Variants in CBX5 observed in about 807,000 individuals in gnomAD.
CBX5 encodes the protein chromobox 5.
Under a neutral mutation model 20.7 loss-of-function variants are expected in CBX5, and 7 were observed. The observed-to-expected ratio is 0.34, with a 90% CI of 0.19 to 0.63. The LOEUF (loss-of-function observed/expected upper bound fraction) is 0.63, where lower values mean the gene tolerates loss of function less well. Among genes scored for constraint, CBX5 ranks in the 30% least tolerant of loss-of-function variants. The pLI, the probability that CBX5 is intolerant of heterozygous loss-of-function variation, is 0.75. For missense variants in CBX5, 110 were observed against 224.1 expected (o/e 0.49, Z 3.25); for synonymous variants, 78 against 77.0 (o/e 1.01, Z -0.07).
In CBX5 at chr12:54,233,762, C is replaced by A. The variant is rs1016594236; in HGVS notation, c.*7993G>T. The A allele has an allele frequency of 6.6e-6, 1 of 152,006 alleles. No individual in the cohort carries two copies. The highest frequency in any genetic ancestry group is 2.4e-5 in the African/African-American group (1 of 41,358). The allele number at this position is 152,006 out of a possible 1,614,324, so 9.4% of individuals were successfully genotyped here. A position where few individuals can be genotyped will look rare whatever the true frequency, so the allele number is the denominator to read the frequency against. On this transcript the variant is annotated 3_prime_UTR_variant, in exon 5 of 5. Coordinates refer to ENST00000209875, the MANE Select transcript of CBX5 (RefSeq NM_012117.3). ...CCTGGGCAACACAGGGAGACTGTCT[C>A]TACAAAACATTTTTTAAATAATAAA...
chr12:54,246,063 C>T, intron 4 of CBX5, 52 bp downstream of exon 4: 1 of 1,231,282 alleles, frequency 8.1e-7, no homozygotes, highest in Non-Finnish European at 1.2e-6. Context: ...CACACAAATT[C>T]AAGTCACTGG....
intron 1 of CBX5, among the ~76,000 whole-genome samples, chr12:54,260,113 T>C: frequency 7.6e-6 from 1 of 131,570 alleles, no homozygotes; most frequent in East Asian, 2.2e-4. Context: ...TTGGGGGGAT[T>C]ACTAGAGACA....
chr12:54,242,022 C>T, intron 4 of CBX5, 117 bp from the exon 5 acceptor site: 1 of 971,916 alleles, frequency 1.0e-6, no homozygotes. Context: ...ACCTTGGTTT[C>T]AAGGTGAAAA....
rs1331231735 is a variant in CBX5 at position 54,257,654 on chromosome 12, G to A, written c.-4C>T. 3.1e-6 allele frequency: 5 copies of A among 1,613,890 alleles called. No homozygotes were observed. Among genetic ancestry groups the A allele is most frequent in the African/African-American group, 2.7e-5 (2 of 74,876 alleles). On this transcript the variant is annotated 5_prime_UTR_variant, in exon 2 of 5. Coordinates refer to ENST00000209875, the MANE Select transcript of CBX5 (RefSeq NM_012117.3). ...TCCGCTTGGTTTTCTTTCCCATGTC[G>A]CACACCGTTCCACCTGAAAGACTAA... is the stretch of plus-strand genomic sequence containing the variant.
rs1358757971 is a variant in CBX5, at chr12:54,239,986, A to G, written c.*1769T>C. The G allele has an allele frequency of 6.6e-6, 1 of 152,226 alleles. No individual in the cohort carries two copies. The highest frequency in any genetic ancestry group is 1.5e-5 in the Non-Finnish European group (1 of 68,038). The allele number at this position is 152,226 out of a possible 1,614,324, so 9.4% of individuals were successfully genotyped here. Reference sequence around the variant, plus strand: ...TTCCCCTCATTACTCTGAATAATCTAGAAATGGTAGATGCTCCTGGCCAGA... The same window carrying G: ...TTCCCCTCATTACTCTGAATAATCTGGAAATGGTAGATGCTCCTGGCCAGA... On this transcript the variant is annotated 3_prime_UTR_variant, in exon 5 of 5. Coordinates refer to ENST00000209875, the MANE Select transcript of CBX5 (RefSeq NM_012117.3).
At chr12:54,252,844 G>C (rs1943820618) in intron 2 of CBX5, among the ~76,000 whole-genome samples, 1 of 151,994 alleles carries the variant, frequency 6.6e-6, no homozygotes, top group Non-Finnish European at 1.5e-5. Flanking sequence ...AATTAGCTTG[G>C]TGTGGTGGTA....
In CBX5 at chr12:54,257,531, C is replaced by T. The variant is rs746779128; in HGVS notation, c.120G>A (p.Lys40=). 7.4e-6 allele frequency: 12 copies of T among 1,614,086 alleles called. No homozygotes were observed. The highest frequency in any genetic ancestry group is 1.1e-5 in the South Asian group (1 of 91,086). Residue 40 remains lysine (K), a synonymous_variant, in exon 2 of 5, where the codon AAG becomes AAA. Transcript: ENST00000209875. Reference sequence around the variant, plus strand: ...GAACTTACTCAGAAAAGCCTTTCCACTTCAGTAGATATTCCACTTGTCCCT... The same window carrying T: ...GAACTTACTCAGAAAAGCCTTTCCATTTCAGTAGATATTCCACTTGTCCCT... ...VVKGQVEYLL[K]WKGFSEEHNT... is the part of the protein sequence containing the mutation.
intron 1 of CBX5, chr12:54,274,391 T>C (rs1592165437): frequency 1.3e-5 from 2 of 152,176 alleles, no homozygotes; most frequent in South Asian, 4.1e-4. Flanking sequence ...AAAAAGATGA[T>C]TGCCCAGAGT....
chr12:54,269,248 G>A (rs1193470925), intron 1 of CBX5, among the ~76,000 whole-genome samples: 2 of 152,122 alleles, frequency 1.3e-5, no homozygotes, highest in Non-Finnish European at 2.9e-5. Flanking sequence ...GGGTGACAGA[G>A]CGAGGATCCT....
At chr12:54,265,233 G>A (rs1201626537) in intron 1 of CBX5, among the ~76,000 whole-genome samples, 1 of 152,166 alleles carries the variant, frequency 6.6e-6, no homozygotes, top group African/African-American at 2.4e-5. Context: ...CCTTATTGCA[G>A]CAAATAAAAC....
intron 3 of CBX5, among the ~76,000 whole-genome samples, chr12:54,251,233 G>A (rs374129313): frequency 6.6e-6 from 1 of 152,018 alleles, no homozygotes. Context: ...GGCCAAGGCA[G>A]GCGGATCACG....
intron 1 of CBX5, among the ~76,000 whole-genome samples, chr12:54,277,457 G>A (rs1442361247): frequency 6.6e-6 from 1 of 152,024 alleles, no homozygotes; most frequent in African/African-American, 2.4e-5. Context: ...CACCCGCCTC[G>A]GCCTCCCAAA....
Position 54,233,740 on chromosome 12 carries a change from G to A in CBX5, c.*8015C>T, listed in dbSNP as rs1305285335. The A allele has an allele frequency of 6.6e-6, 1 of 152,060 alleles. No homozygotes were observed. Among genetic ancestry groups the A allele is most frequent in the African/African-American group, 2.4e-5 (1 of 41,390 alleles). 9.4% of individuals were successfully genotyped at this position (152,060 alleles called of 1,614,324 possible). A position where few individuals can be genotyped will look rare whatever the true frequency, so the allele number is the denominator to read the frequency against. ...GAGCTCACGAGTTGGAGACCAGCCTGGGCAACACAGGGAGACTGTCTCTAC... is the reference window on the plus strand; with the variant it reads ...GAGCTCACGAGTTGGAGACCAGCCTAGGCAACACAGGGAGACTGTCTCTAC... On this transcript the variant is annotated 3_prime_UTR_variant, in exon 5 of 5. Transcript: ENST00000209875.
chr12:54,260,141 G>A (rs949717007), intron 1 of CBX5, among the ~76,000 whole-genome samples: 70 of 123,844 alleles, frequency 5.7e-4, no homozygotes, highest in Non-Finnish European at 9.1e-4. Flanking sequence ...AAGACATGAA[G>A]CACTACCAAA....
In CBX5 at chr12:54,264,262, C is replaced by T. The variant is rs143196418; in HGVS notation, c.-42-6570G>A. On this transcript the variant is annotated intron_variant, in intron 1 of 4. Coordinates refer to ENST00000209875, the MANE Select transcript of CBX5 (RefSeq NM_012117.3). Reference sequence around the variant, plus strand: ...TCTCAAACTCCTGGGCTCAAGCAATCCTCTCACCTTGGCCTTCTGAGCAGC... The same window carrying T: ...TCTCAAACTCCTGGGCTCAAGCAATTCTCTCACCTTGGCCTTCTGAGCAGC... Among the ~76,000 whole-genome samples, 300 of 152,200 alleles carry T rather than the reference C, an allele frequency of 2.0e-3. 1 individual carries two copies. The highest frequency in any genetic ancestry group is 6.9e-3 in the African/African-American group (285 of 41,516).
chr12:54,254,255 G>A (rs572878113), intron 2 of CBX5, among the ~76,000 whole-genome samples: 164 of 150,048 alleles, frequency 1.1e-3, no homozygotes, highest in Non-Finnish European at 1.8e-3. Flanking sequence ...ACTTGAACCC[G>A]GGAGGCAGGA....
intron 1 of CBX5, among the ~76,000 whole-genome samples, chr12:54,278,061 C>G (rs1051925850): frequency 6.6e-6 from 1 of 152,136 alleles, no homozygotes; most frequent in African/African-American, 2.4e-5. Flanking sequence ...GAGATTTTAT[C>G]CCCCATCCCT....
rs1944001221 is a variant in CBX5 at position 54,270,769 on chromosome 12, T to C, written c.-43+9239A>G. 2.0e-5 allele frequency among the ~76,000 whole-genome samples: 3 copies of C among 152,186 alleles called. No individual in the cohort carries two copies. The South Asian group carries it at 6.2e-4, about 31-fold the overall frequency. On this transcript the variant is annotated intron_variant, in intron 1 of 4. Transcript: ENST00000209875. ...CTATGATCAGGAAATAAACATACCT[T>C]GGCCAAGCACAGTGGCTCATGCCTG...
At chr12:54,252,979 CAAAAAAAAAAA>C (rs757909869) in intron 2 of CBX5, among the ~76,000 whole-genome samples, 1 of 47,264 alleles carries the variant, frequency 2.1e-5, no homozygotes, top group African/African-American at 8.0e-5. Context: ...GACTCTGTCT[CAAAAAAAAAAA>C]AAAAAAAAAA....
Sources: allele counts gnomAD v4.1 joint callset (sites outside exome capture counted in the v4.1 genomes callset), GRCh38; gene constraint gnomAD v4.1.1; transcripts MANE v1.5; gene names NCBI Gene and HGNC (gene_info 2026-07-23, HGNC 2026-07-21).